OSBPL9: variants seen among roughly 807,000 people sequenced by gnomAD.
OSBPL9 encodes the protein oxysterol-binding protein-related protein 9.
In OSBPL9, 40 loss-of-function variants were observed where a neutral mutation model predicts 106.6. The ratio of observed to expected loss-of-function variants is 0.38; its 90% confidence interval spans 0.29 to 0.49. The LOEUF is 0.49. Among genes scored for constraint, OSBPL9 ranks in the 20% least tolerant of loss-of-function variants. OSBPL9 has a pLI of 0.97. For synonymous variants in OSBPL9, 269 were observed against 295.4 expected, an observed-to-expected ratio of 0.91 and a Z score of 0.92; for missense variants, 609 against 887.2, an observed-to-expected ratio of 0.69 and a Z score of 3.98.
chr1:51,757,583 G>GA (rs1670611902), intron 9 of OSBPL9, among the ~76,000 whole-genome samples: 1 of 151,816 alleles, frequency 6.6e-6, no homozygotes, highest in South Asian at 2.1e-4. Context: ...CATTTGCAAT[G>GA]AAAAACATCT....
intron 1 of OSBPL9, among the ~76,000 whole-genome samples, chr1:51,588,545 A>G (rs1442025898): frequency 6.6e-6 from 1 of 151,828 alleles, no homozygotes; most frequent in Non-Finnish European, 1.5e-5. Context: ...TTAACTACTC[A>G]GGGGCTGAAG....
chr1:51,768,733 G>T (rs1303286112), intron 12 of OSBPL9, among the ~76,000 whole-genome samples: 1 of 152,208 alleles, frequency 6.6e-6, no homozygotes. Context: ...TAAAACACCT[G>T]TTGTACCTGT....
At chr1:51,742,681 A>T (rs1235333352) in intron 4 of OSBPL9, among the ~76,000 whole-genome samples, 1 of 152,118 alleles carries the variant, frequency 6.6e-6, no homozygotes, top group African/African-American at 2.4e-5. Context: ...GTCTGCAGTG[A>T]GCCCTGATTG....
intron 1 of OSBPL9, among the ~76,000 whole-genome samples, chr1:51,638,186 A>T (rs1645572863): frequency 6.6e-6 from 1 of 152,166 alleles, no homozygotes; most frequent in African/African-American, 2.4e-5. Context: ...ATTAAATCTG[A>T]TGCTCAAAAT....
At chr1:51,574,558 G>T (rs1293972439), upstream of OSBPL9, among the ~76,000 whole-genome samples, 1 of 152,272 alleles carries the variant, frequency 6.6e-6, no homozygotes, top group Non-Finnish European at 1.5e-5. Flanking sequence ...GGCAGAGGTT[G>T]CAGTGAGCCG....
rs549609812 is a variant in OSBPL9, at chr1:51,788,762, CA to C, written c.*978del. Reference sequence around the variant, plus strand: ...TTATAGATCCCCACCCCACAGTGAACAAAAATAGATAGATAGATAGAATAAA... The same window carrying C: ...TTATAGATCCCCACCCCACAGTGAACAAAATAGATAGATAGATAGAATAAA... On this transcript the variant is annotated 3_prime_UTR_variant, in exon 24 of 24. Transcript: ENST00000428468. 4.6e-4 allele frequency among the ~76,000 whole-genome samples: 70 copies of C among 150,960 alleles called. 3 individuals carry two copies. The South Asian group carries it at 0.012, about 25-fold the overall frequency.
chr1:51,539,817 C>T, the OSBPL9 span, among the ~76,000 whole-genome samples: 1 of 152,320 alleles, frequency 6.6e-6, no homozygotes, highest in South Asian at 2.1e-4. Context: ...TAGATCATGT[C>T]ACTACCTAGC....
At chr1:51,746,319 A>G (rs1031446226) in intron 5 of OSBPL9, among the ~76,000 whole-genome samples, 3 of 152,174 alleles carry the variant, frequency 2.0e-5, no homozygotes, top group South Asian at 2.1e-4. Flanking sequence ...CTCTTTTATC[A>G]TTACTGAAAT....
the OSBPL9 span, among the ~76,000 whole-genome samples, chr1:51,564,052 C>CAAAAAAAAAAAAAAAAA: frequency 6.0e-3 from 165 of 27,274 alleles, 11 homozygotes; most frequent in Non-Finnish European, 7.7e-3. Flanking sequence ...GAGATCATCT[C>CAAAAAAAAAAAAAAAAA]AAAAAAAAAA....
At chr1:51,613,049 C>T (rs972443724), upstream of OSBPL9, among the ~76,000 whole-genome samples, 1 of 152,188 alleles carries the variant, frequency 6.6e-6, no homozygotes, top group Admixed American at 6.5e-5. Flanking sequence ...GAGTTTAGCA[C>T]AATCCTTGAA....
intron 15 of OSBPL9, among the ~76,000 whole-genome samples, chr1:51,780,108 C>T (rs1220237187): frequency 6.9e-6 from 1 of 144,840 alleles, no homozygotes; most frequent in Non-Finnish European, 1.5e-5. Flanking sequence ...GGCCAACAAA[C>T]ATGAAAAAAT....
chr1:51,595,496 G>C (rs1382160416), intron 1 of OSBPL9, among the ~76,000 whole-genome samples: 2 of 152,120 alleles, frequency 1.3e-5, no homozygotes, highest in African/African-American at 2.4e-5. Flanking sequence ...TCCAGCATGG[G>C]GTCTCAGGGA....
At chr1:51,744,765 C>T (rs751091264) in intron 4 of OSBPL9, among the ~76,000 whole-genome samples, 4 of 152,172 alleles carry the variant, frequency 2.6e-5, no homozygotes, top group Non-Finnish European at 5.9e-5. Flanking sequence ...AGATTAAGAA[C>T]TCAAAAGTTT....
chr1:51,709,920 A>G (rs1012992686), intron 3 of OSBPL9: 3 of 152,328 alleles, frequency 2.0e-5, no homozygotes, highest in Non-Finnish European at 2.9e-5. Context: ...CTGGGCCTGT[A>G]TTATGAGCTG....
intron 3 of OSBPL9, among the ~76,000 whole-genome samples, chr1:51,679,671 C>T (rs1652077629): frequency 6.6e-6 from 1 of 152,174 alleles, no homozygotes; most frequent in Non-Finnish European, 1.5e-5. Flanking sequence ...CCTTTTGTCC[C>T]ATGTATCTAT....
intron 4 of OSBPL9, among the ~76,000 whole-genome samples, chr1:51,742,127 A>C (rs1667065912): frequency 6.6e-6 from 1 of 152,206 alleles, no homozygotes; most frequent in African/African-American, 2.4e-5. Flanking sequence ...TGTTCATTTA[A>C]CACTGAGCTG....
At chr1:51,523,358 C>T in the OSBPL9 span, among the ~76,000 whole-genome samples, 1 of 151,946 alleles carries the variant, frequency 6.6e-6, no homozygotes, top group Non-Finnish European at 1.5e-5. Flanking sequence ...CCTCCTGCCT[C>T]AGCCTCCCAA....
the OSBPL9 span, chr1:51,519,286 G>A: frequency 6.0e-5 from 63 of 1,056,272 alleles, no homozygotes; most frequent in Non-Finnish European, 7.6e-5. Flanking sequence ...GGGGCTCGGG[G>A]CGGGGAGGAG....
At chr1:51,630,225 TTTTTTTGGTAAGATGC>T (rs1381643687) in intron 1 of OSBPL9, among the ~76,000 whole-genome samples, 3 of 152,018 alleles carry the variant, frequency 2.0e-5, no homozygotes, top group Non-Finnish European at 4.4e-5. Flanking sequence ...ACAATTGTGG[TTTTTTTGGTAAGATGC>T]TTTTTTGGTC....
Sources: gnomAD v4.1 joint callset for allele counts (sites outside exome capture counted in the v4.1 genomes callset) on GRCh38, gnomAD v4.1.1 for gene constraint, MANE v1.5 for transcripts, NCBI Gene and HGNC (gene_info 2026-07-23, HGNC 2026-07-21) for gene names.